Variants in MGAT4A observed in about 807,000 individuals in gnomAD.
MGAT4A encodes N-acetylglucosaminyltransferase IVa.
A neutral mutation model predicts 74.1 loss-of-function variants in MGAT4A; 33 were observed. The observed-to-expected ratio is 0.45, with a 90% CI of 0.34 to 0.60. The LOEUF (loss-of-function observed/expected upper bound fraction) is 0.60. Among genes scored for constraint, MGAT4A ranks in the 20% least tolerant of loss-of-function variants. The pLI is 0.02. For synonymous variants in MGAT4A, 198 were observed against 210.4 expected, an observed-to-expected ratio of 0.94 and a Z score of 0.51; for missense variants, 479 against 628.3, an observed-to-expected ratio of 0.76 and a Z score of 2.54.
chr2:98,639,224 T>C (rs1429259802), intron 12 of MGAT4A, among the ~76,000 whole-genome samples: 1 of 151,650 alleles, frequency 6.6e-6, no homozygotes, highest in Admixed American at 6.6e-5. Flanking sequence ...GAGGTGGAGG[T>C]TGCAATGAGC....
At chr2:98,721,201 AAAATAAAGGTG>A (rs1175748019) in intron 2 of MGAT4A, among the ~76,000 whole-genome samples, 80 of 152,334 alleles carry the variant, frequency 5.3e-4, no homozygotes, top group African/African-American at 1.9e-3. Context: ...CTATCTTTCA[AAAATAAAGGTG>A]AAATAAAGAC....
chr2:98,651,249 A>G (rs961802483), intron 8 of MGAT4A, among the ~76,000 whole-genome samples: 1 of 152,250 alleles, frequency 6.6e-6, no homozygotes, highest in Non-Finnish European at 1.5e-5. Context: ...AGGTAAATAT[A>G]CAGATAAATA....
At chr2:98,719,523 A>G (rs1245926253) in intron 2 of MGAT4A, among the ~76,000 whole-genome samples, 1 of 152,252 alleles carries the variant, frequency 6.6e-6, no homozygotes, top group Non-Finnish European at 1.5e-5. Context: ...TCCAATAAAA[A>G]AATTATGAGA....
intron 2 of MGAT4A, among the ~76,000 whole-genome samples, chr2:98,686,799 G>A (rs1242013404): frequency 3.3e-5 from 5 of 152,070 alleles, no homozygotes; most frequent in East Asian, 1.9e-4. Flanking sequence ...TGCCCGCCTC[G>A]GCCTCCCAAA....
chr2:98,646,157 T>C (rs1701481578), intron 8 of MGAT4A, among the ~76,000 whole-genome samples: 1 of 152,134 alleles, frequency 6.6e-6, no homozygotes, highest in Admixed American at 6.5e-5. Context: ...CCTAAAATCT[T>C]ACATCTTAAT....
At chr2:98,648,132 C>T (rs373895307) in intron 8 of MGAT4A, among the ~76,000 whole-genome samples, 41 of 152,294 alleles carry the variant, frequency 2.7e-4, no homozygotes, top group African/African-American at 9.4e-4. Context: ...ACATAATAAG[C>T]GTATGTGAAG....
chr2:98,688,237 C>CT (rs1031382780), intron 2 of MGAT4A, among the ~76,000 whole-genome samples: 1 of 151,978 alleles, frequency 6.6e-6, no homozygotes, highest in Non-Finnish European at 1.5e-5. Flanking sequence ...AACATCTGGG[C>CT]TTTTTTTAAA....
Position 98,644,132 on chromosome 2 carries a change from A to G in MGAT4A, c.890-79T>C. On this transcript the variant is annotated intron_variant, in intron 9 of 15. Coordinates refer to ENST00000393487, the MANE Select transcript of MGAT4A (RefSeq NM_012214.3). ...GGCTTACATTCATGAAATCTTGCCCACGACATACACTGAGGCTTGCGCTTT... is the reference window on the plus strand; with the variant it reads ...GGCTTACATTCATGAAATCTTGCCCGCGACATACACTGAGGCTTGCGCTTT... 1.0e-5 allele frequency: 14 copies of G among 1,333,718 alleles called. No individual in the cohort carries two copies. In the South Asian group the frequency reaches 2.5e-4, roughly 24 times the overall value. The allele number at this position is 1,333,718 out of a possible 1,614,324, so 82.6% of individuals were successfully genotyped here. A position where few individuals can be genotyped will look rare whatever the true frequency, so the allele number is the denominator to read the frequency against.
intron 8 of MGAT4A, among the ~76,000 whole-genome samples, chr2:98,646,287 T>C (rs1426548939): frequency 1.3e-5 from 2 of 152,086 alleles, no homozygotes; most frequent in East Asian, 3.9e-4. Context: ...AATGAGCACC[T>C]TTAAGCGCCC....
At chr2:98,656,752 G>A (rs1261970676) in intron 6 of MGAT4A, among the ~76,000 whole-genome samples, 11 of 151,014 alleles carry the variant, frequency 7.3e-5, no homozygotes, top group Middle Eastern at 3.4e-3. Context: ...AGGCATTAAC[G>A]TTCCTAAAAT....
chr2:98,632,555 G>A (rs1464217970), intron 14 of MGAT4A, among the ~76,000 whole-genome samples: 1 of 152,174 alleles, frequency 6.6e-6, no homozygotes, highest in Non-Finnish European at 1.5e-5. Flanking sequence ...AGCACCCTTA[G>A]GCTGAACTTC....
intron 5 of MGAT4A, among the ~76,000 whole-genome samples, chr2:98,662,158 T>C (rs893762391): frequency 3.3e-5 from 5 of 152,224 alleles, no homozygotes; most frequent in African/African-American, 1.2e-4. Flanking sequence ...TTGAGTATTA[T>C]ATCAGTGTTA....
At chr2:98,713,316 T>C (rs1173364415) in intron 2 of MGAT4A, among the ~76,000 whole-genome samples, 1 of 151,324 alleles carries the variant, frequency 6.6e-6, no homozygotes, top group Non-Finnish European at 1.5e-5. Flanking sequence ...TATTTAAATC[T>C]AAATGTTAAT....
intron 2 of MGAT4A, among the ~76,000 whole-genome samples, chr2:98,690,352 CCT>C (rs1702178778): frequency 6.6e-6 from 1 of 152,126 alleles, no homozygotes; most frequent in Non-Finnish European, 1.5e-5. Flanking sequence ...TCCCTTCTCC[CCT>C]CTTAGCAAGT....
intron 2 of MGAT4A, among the ~76,000 whole-genome samples, chr2:98,706,247 A>G (rs1702429714): frequency 6.6e-6 from 1 of 152,198 alleles, no homozygotes; most frequent in South Asian, 2.1e-4. Flanking sequence ...TTTGGACCAG[A>G]ATCTTGCTAG....
intron 8 of MGAT4A, among the ~76,000 whole-genome samples, chr2:98,653,340 A>C (rs1701610350): frequency 6.6e-6 from 1 of 150,842 alleles, no homozygotes; most frequent in Admixed American, 6.6e-5. Context: ...ATAAATAGAA[A>C]AAAATAAATA....
At chr2:98,648,907 A>C (rs886407517) in intron 8 of MGAT4A, among the ~76,000 whole-genome samples, 3 of 96,616 alleles carry the variant, frequency 3.1e-5, no homozygotes, top group Admixed American at 1.9e-4. Context: ...ATGGTGGTGC[A>C]TGCCTTAGTC....
chr2:98,664,199 TCAAAAAAAA>T (rs1701792779), intron 4 of MGAT4A, among the ~76,000 whole-genome samples: 1 of 19,418 alleles, frequency 5.1e-5, no homozygotes. Context: ...AGATTCCATC[TCAAAAAAAA>T]AAAAAAAAAA....
At chr2:98,631,814 C>T (rs1701240905) in intron 14 of MGAT4A, among the ~76,000 whole-genome samples, 1 of 152,194 alleles carries the variant, frequency 6.6e-6, no homozygotes, top group African/African-American at 2.4e-5. Flanking sequence ...AGCTTCTGTC[C>T]TTGTGATAAG....
Sources: allele counts gnomAD v4.1 joint callset (sites outside exome capture counted in the v4.1 genomes callset), GRCh38; gene constraint gnomAD v4.1.1; transcripts MANE v1.5; gene names NCBI Gene and HGNC (gene_info 2026-07-23, HGNC 2026-07-21).